The following ENPP6 variants were observed in gnomAD, a reference collection of about 807,000 sequenced individuals.
The protein encoded by ENPP6 is glycerophosphocholine cholinephosphodiesterase ENPP6.
Under a neutral mutation model 42.0 loss-of-function variants are expected in ENPP6, and 32 were observed. That is an observed-to-expected ratio of 0.76 (90% confidence interval 0.58 to 1.02). ENPP6 has a LOEUF of 1.02. Among genes scored for constraint, ENPP6 ranks in the 50% least tolerant of loss-of-function variants. ENPP6 has a pLI of 0.00. For synonymous variants in ENPP6, 213 were observed against 216.0 expected, an observed-to-expected ratio of 0.99 and a Z score of 0.12; for missense variants, 552 against 566.8, an observed-to-expected ratio of 0.97 and a Z score of 0.27.
intron 7 of ENPP6, among the ~76,000 whole-genome samples, chr4:184,091,788 C>T (rs765876698): frequency 2.0e-5 from 3 of 152,074 alleles, no homozygotes; most frequent in Admixed American, 6.6e-5. Flanking sequence ...CCCAGCTACT[C>T]GGAAGGCTGA....
intron 2 of ENPP6, among the ~76,000 whole-genome samples, chr4:184,137,880 A>C (rs945381443): frequency 6.6e-6 from 1 of 152,126 alleles, no homozygotes; most frequent in African/African-American, 2.4e-5. Flanking sequence ...GATGGGTACC[A>C]TTGCTGGATG....
rs1733216591 is a variant in ENPP6, at chr4:184,217,526, C to T, written c.241+53G>A. The T allele has an allele frequency of 8.1e-6, 13 of 1,604,556 alleles. No homozygotes were observed. In the South Asian group the frequency reaches 1.3e-4, roughly 16 times the overall value. On this transcript the variant is annotated intron_variant, in intron 1 of 7. Coordinates refer to ENST00000296741, the MANE Select transcript of ENPP6 (RefSeq NM_153343.4). ...CTCCAATGCCAGGAGCTCACTGTTCCCTGCTGGATGCCAGCCCTCCCCTCC... is the reference window on the plus strand; with the variant it reads ...CTCCAATGCCAGGAGCTCACTGTTCTCTGCTGGATGCCAGCCCTCCCCTCC...
intron 1 of ENPP6, among the ~76,000 whole-genome samples, chr4:184,192,448 A>G (rs1185070445): frequency 6.6e-6 from 1 of 152,238 alleles, no homozygotes; most frequent in Non-Finnish European, 1.5e-5. Context: ...CATTAATTCA[A>G]AAGGGGTCAC....
chr4:184,111,086 C>T (rs1736189223), intron 6 of ENPP6, among the ~76,000 whole-genome samples: 1 of 152,088 alleles, frequency 6.6e-6, no homozygotes, highest in Non-Finnish European at 1.5e-5. Flanking sequence ...CCATAGTGAC[C>T]TCTGGCCCTG....
At chr4:184,206,155 G>C (rs377010818) in intron 1 of ENPP6, among the ~76,000 whole-genome samples, 44 of 152,104 alleles carry the variant, frequency 2.9e-4, no homozygotes, top group African/African-American at 1.0e-3. Flanking sequence ...CTAATCCTGG[G>C]GGAAGGAGGG....
intron 2 of ENPP6, among the ~76,000 whole-genome samples, chr4:184,152,432 C>T (rs778045173): frequency 1.8e-4 from 28 of 152,032 alleles, no homozygotes; most frequent in Non-Finnish European, 3.2e-4. Context: ...ATCAGGCTGC[C>T]GCTGTCCTCA....
intron 6 of ENPP6, among the ~76,000 whole-genome samples, chr4:184,107,035 C>T (rs1461017543): frequency 6.6e-6 from 1 of 152,220 alleles, no homozygotes; most frequent in African/African-American, 2.4e-5. Flanking sequence ...CCTCAGTGTC[C>T]CTGGCCCACC....
intron 1 of ENPP6, among the ~76,000 whole-genome samples, chr4:184,193,919 G>A (rs541720062): frequency 6.6e-6 from 1 of 152,288 alleles, no homozygotes; most frequent in East Asian, 1.9e-4. Context: ...TCAGTTTGAT[G>A]CTACTGACTT....
At chr4:184,146,221 A>G (rs906136237) in intron 2 of ENPP6, among the ~76,000 whole-genome samples, 1 of 151,970 alleles carries the variant, frequency 6.6e-6, no homozygotes, top group African/African-American at 2.4e-5. Context: ...TCATGAGGTC[A>G]GGAGTTGAAG....
intron 1 of ENPP6, among the ~76,000 whole-genome samples, chr4:184,159,257 T>C (rs903549684): frequency 6.6e-6 from 1 of 152,252 alleles, no homozygotes; most frequent in Non-Finnish European, 1.5e-5. Context: ...AATTTGCTCA[T>C]ATTCTTTCAA....
intron 1 of ENPP6, among the ~76,000 whole-genome samples, chr4:184,162,299 A>G (rs973908141): frequency 2.6e-5 from 4 of 152,236 alleles, no homozygotes; most frequent in African/African-American, 9.6e-5. Context: ...GGGGGAAGGA[A>G]GGAAAGAAGA....
At chr4:184,127,770 A>T (rs1253827115) in intron 2 of ENPP6, among the ~76,000 whole-genome samples, 3 of 152,234 alleles carry the variant, frequency 2.0e-5, no homozygotes, top group Admixed American at 2.0e-4. Context: ...AATAATTTTT[A>T]AAAAATCGTT....
intron 1 of ENPP6, among the ~76,000 whole-genome samples, chr4:184,155,908 T>C (rs144012101): frequency 3.3e-5 from 5 of 152,350 alleles, no homozygotes; most frequent in Middle Eastern, 3.4e-3. Flanking sequence ...CACTCATTCT[T>C]CTTTGTTCTC....
At chr4:184,109,604 A>G (rs1266376677) in intron 6 of ENPP6, among the ~76,000 whole-genome samples, 1 of 152,140 alleles carries the variant, frequency 6.6e-6, no homozygotes, top group Non-Finnish European at 1.5e-5. Context: ...TTATTTTTTC[A>G]TACCCTATTT....
At chr4:184,183,225 A>G (rs765344532) in intron 1 of ENPP6, among the ~76,000 whole-genome samples, 3 of 152,236 alleles carry the variant, frequency 2.0e-5, no homozygotes, top group Non-Finnish European at 4.4e-5. Flanking sequence ...AAGCCAGATA[A>G]TCAGATGAAT....
At chr4:184,212,578 C>G (rs566831641) in intron 1 of ENPP6, among the ~76,000 whole-genome samples, 58 of 148,990 alleles carry the variant, frequency 3.9e-4, no homozygotes, top group African/African-American at 1.1e-3. Context: ...CACTGGTCAA[C>G]GAAATAAAAG....
chr4:184,208,928 C>G (rs1481669789), intron 1 of ENPP6, among the ~76,000 whole-genome samples: 1 of 144,212 alleles, frequency 6.9e-6, no homozygotes, highest in Non-Finnish European at 1.5e-5. Context: ...GTCCCTGACC[C>G]CTGACCCCCG....
chr4:184,176,834 C>T (rs952439769), intron 1 of ENPP6, among the ~76,000 whole-genome samples: 4 of 152,230 alleles, frequency 2.6e-5, no homozygotes, highest in African/African-American at 4.8e-5. Context: ...ACAGAAGAAA[C>T]GTGGACAGGA....
At chr4:184,104,204 G>A (rs1043156885) in intron 6 of ENPP6, among the ~76,000 whole-genome samples, 12 of 152,136 alleles carry the variant, frequency 7.9e-5, no homozygotes, top group South Asian at 4.1e-4. Flanking sequence ...CTAAAGCTCC[G>A]AAGCCACGTT....
Sources: allele counts gnomAD v4.1 joint callset (sites outside exome capture counted in the v4.1 genomes callset), GRCh38; gene constraint gnomAD v4.1.1; transcripts MANE v1.5; gene names NCBI Gene and HGNC (gene_info 2026-07-23, HGNC 2026-07-21).